Variants in PPEF1 observed in about 807,000 individuals in gnomAD.
The protein encoded by PPEF1 is serine/threonine-protein phosphatase with EF-hands 1.
PPEF1 carries 12 observed loss-of-function variants against 53.3 expected under a neutral mutation model. The observed-to-expected ratio is 0.23, with a 90% confidence interval of 0.14 to 0.36. The LOEUF is 0.36. Ranked by LOEUF, PPEF1 falls within the 10% of genes least tolerant of loss-of-function variation. The pLI is 1.00. For missense variants in PPEF1, 334 were observed against 490.4 expected, an observed-to-expected ratio of 0.68 and a Z score of 3.01; for synonymous variants, 165 against 176.7, an observed-to-expected ratio of 0.93 and a Z score of 0.52.
At position 18,745,125 on chromosome X, in the gene PPEF1, T is replaced by A. The variant is rs867216058; in HGVS notation, c.236-4667T>A. Reference sequence around the variant, plus strand: ...ATATTATATAATTATATTATATATATTATATAATTATATTATATATATTAT... The same window carrying A: ...ATATTATATAATTATATTATATATAATATATAATTATATTATATATATTAT... On this transcript the variant is annotated intron_variant, in intron 3 of 15. Transcript: ENST00000470157. Among the ~76,000 whole-genome samples the A allele has an allele frequency of 4.0e-3, 387 of 95,743 alleles. 2 individuals are homozygous for A. The highest frequency in any genetic ancestry group is 0.014 in the African/African-American group (375 of 25,925). The allele number at this position is 95,743 out of a possible 115,157, so 83.1% of individuals were successfully genotyped here. A position where few individuals can be genotyped will look rare whatever the true frequency, so the allele number is the denominator to read the frequency against.
intron 3 of PPEF1, chrX:18,688,768 A>AAT (rs1457971710): frequency 8.9e-6 from 1 of 112,410 alleles, no homozygotes; most frequent in East Asian, 2.8e-4. Flanking sequence ...AATTCAATCA[A>AAT]ATACATTTAA....
At chrX:18,727,725 C>A (rs1187062989) in intron 1 of PPEF1, among the ~76,000 whole-genome samples, 1 of 111,623 alleles carries the variant, frequency 9.0e-6, no homozygotes, top group Non-Finnish European at 1.9e-5. Context: ...GAACTTCTGA[C>A]TGACCAGCTT....
chrX:18,722,034 G>A (rs145312499), intron 1 of PPEF1, among the ~76,000 whole-genome samples: 1,541 of 112,388 alleles, frequency 0.014, 9 homozygotes, highest in South Asian at 0.023. Context: ...TGCCCAACAA[G>A]CAGGCTTTGT....
Position 18,825,641 on chromosome X carries a change from A to C in PPEF1, c.1666-110A>C, listed in dbSNP as rs778400005. ...GTCTGGCCTTCTCAGATTTCTGTCT[A>C]AATCACATCATTTCAATTGTTGATG... On this transcript the variant is annotated intron_variant, in intron 14 of 15. Transcript: ENST00000470157. 1.1e-5 allele frequency: 5 copies of C among 466,013 alleles called. No homozygotes were observed. The South Asian group carries it at 2.3e-4, about 21-fold the overall frequency. The allele number at this position is 466,013 out of a possible 1,213,427, so 38.4% of individuals were successfully genotyped here. A position where few individuals can be genotyped will look rare whatever the true frequency, so the allele number is the denominator to read the frequency against.
At chrX:18,690,355 CTTG>C (rs1929295806) in intron 3 of PPEF1, among the ~76,000 whole-genome samples, 1 of 92,177 alleles carries the variant, frequency 1.1e-5, no homozygotes, top group Non-Finnish European at 2.1e-5. Flanking sequence ...TTTTCTAGGA[CTTG>C]TTTTTTTTTT....
At chrX:18,736,028 G>A (rs1212984359) in intron 3 of PPEF1, among the ~76,000 whole-genome samples, 1 of 111,888 alleles carries the variant, frequency 8.9e-6, no homozygotes, top group Non-Finnish European at 1.9e-5. Flanking sequence ...GAGAGTTTGG[G>A]CTGAGACAAT....
chrX:18,685,892 A>G (rs1445419011), intron 2 of PPEF1, among the ~76,000 whole-genome samples: 1 of 111,404 alleles, frequency 9.0e-6, no homozygotes, highest in Admixed American at 9.6e-5. Flanking sequence ...AAGAACAAAA[A>G]CAAAACACTT....
intron 10 of PPEF1, among the ~76,000 whole-genome samples, chrX:18,794,622 C>G (rs1247390777): frequency 8.9e-6 from 1 of 112,855 alleles, no homozygotes; most frequent in African/African-American, 3.2e-5. Flanking sequence ...CAGTTGGGGT[C>G]TAGCACCTGC....
intron 7 of PPEF1, among the ~76,000 whole-genome samples, chrX:18,781,389 A>G (rs2046082101): frequency 1.8e-5 from 2 of 110,862 alleles, no homozygotes; most frequent in Non-Finnish European, 3.8e-5. Context: ...CTAGGATGTA[A>G]TCTGAAGGAA....
At chrX:18,814,812 T>C (rs1163698662) in intron 12 of PPEF1, among the ~76,000 whole-genome samples, 1 of 112,028 alleles carries the variant, frequency 8.9e-6, no homozygotes. Flanking sequence ...TCTGTTGATA[T>C]TTTCTTTTGC....
chrX:18,785,590 AT>A (rs1424725435), intron 9 of PPEF1, among the ~76,000 whole-genome samples: 3 of 110,714 alleles, frequency 2.7e-5, no homozygotes, highest in South Asian at 3.9e-4. Context: ...AAAAAAAAAA[AT>A]CCCAGTTGCA....
chrX:18,822,237 T>C (rs1007841409), intron 13 of PPEF1, among the ~76,000 whole-genome samples: 5 of 111,258 alleles, frequency 4.5e-5, no homozygotes, highest in Non-Finnish European at 9.4e-5. Context: ...AAAAGCTTTT[T>C]CTTTTGCTGT....
At chrX:18,724,750 G>A (rs2044668101) in intron 1 of PPEF1, among the ~76,000 whole-genome samples, 1 of 111,331 alleles carries the variant, frequency 9.0e-6, no homozygotes, top group South Asian at 3.8e-4. Flanking sequence ...ACTGGATGAC[G>A]CAGATCTTCA....
At chrX:18,759,554 T>C (rs1195205946) in intron 5 of PPEF1, among the ~76,000 whole-genome samples, 2 of 111,876 alleles carry the variant, frequency 1.8e-5, no homozygotes, top group Non-Finnish European at 3.8e-5. Flanking sequence ...AATATCTTTC[T>C]GTCCTTCTTC....
At chrX:18,723,945 C>A (rs779231972) in intron 1 of PPEF1, among the ~76,000 whole-genome samples, 10 of 110,728 alleles carry the variant, frequency 9.0e-5, no homozygotes, top group Admixed American at 5.8e-4. Context: ...CACCACCACG[C>A]CTGGCTAATT....
At chrX:18,811,823 T>C (rs2046817249) in intron 12 of PPEF1, among the ~76,000 whole-genome samples, 2 of 109,330 alleles carry the variant, frequency 1.8e-5, no homozygotes, top group Admixed American at 2.0e-4. Context: ...CCCAGGCTGA[T>C]CTTGAACTCC....
At chrX:18,715,385 A>G (rs2044430685) in intron 1 of PPEF1, among the ~76,000 whole-genome samples, 1 of 111,159 alleles carries the variant, frequency 9.0e-6, no homozygotes, top group Non-Finnish European at 1.9e-5. Flanking sequence ...TAGAAAAATT[A>G]GCTGGGCGTG....
intron 12 of PPEF1, among the ~76,000 whole-genome samples, chrX:18,811,994 C>T (rs2046820005): frequency 9.0e-6 from 1 of 111,135 alleles, no homozygotes; most frequent in African/African-American, 3.3e-5. Context: ...GTAGTGCAAA[C>T]ATTTTTCATT....
At chrX:18,812,734 G>A (rs935514095) in intron 12 of PPEF1, among the ~76,000 whole-genome samples, 3 of 111,455 alleles carry the variant, frequency 2.7e-5, no homozygotes, top group African/African-American at 9.8e-5. Flanking sequence ...TATTCCTTTT[G>A]CTGCTATAGT....
Sources: gnomAD v4.1 joint callset for allele counts (sites outside exome capture counted in the v4.1 genomes callset) on GRCh38, gnomAD v4.1.1 for gene constraint, MANE v1.5 for transcripts, NCBI Gene and HGNC (gene_info 2026-07-23, HGNC 2026-07-21) for gene names.